Variants in CDH26 observed in about 807,000 individuals in gnomAD.
The protein encoded by CDH26 is cadherin 26, also known as cadherin-like protein 26.
CDH26 carries 83 observed loss-of-function variants against 90.3 expected under a neutral mutation model. The observed-to-expected ratio is 0.92, with a 90% confidence interval of 0.77 to 1.10. The LOEUF is 1.10. CDH26 is among the 50% of genes least tolerant of loss of function. The pLI is 0.00. For missense variants in CDH26, 1,013 were observed against 1,037.6 expected (o/e 0.98, Z 0.33); for synonymous variants, 397 against 396.3 (o/e 1.00, Z -0.02).
chr20:60,004,688 C>G (rs983905385), intron 16 of CDH26, among the ~76,000 whole-genome samples: 2 of 150,324 alleles, frequency 1.3e-5, no homozygotes, highest in African/African-American at 4.9e-5. Context: ...ATGGCATGAA[C>G]CTGGGAGGCG....
Position 60,012,691 on chromosome 20 carries a change from G to C in CDH26, c.2460G>C (p.Pro820=). Residue 820 remains proline, a synonymous_variant, in exon 18 of 18, where the codon CCG becomes CCC. Transcript: ENST00000348616. The part of the protein sequence containing the change: ...LLDSLGSKAT[P]FEEIYSESGV... ...ACTCTTTGGGTTCAAAAGCGACTCC[G>C]TTTGAGGAAATATATTCAGAGTCAG... 6.2e-7 allele frequency: 1 copy of C among 1,613,814 alleles called. No homozygotes were observed. The highest frequency in any genetic ancestry group is 8.5e-7 in the Non-Finnish European group (1 of 1,179,950).
At chr20:59,985,262 T>C in intron 7 of CDH26, 133 bp downstream of exon 7, 1 of 1,097,096 alleles carries the variant, frequency 9.1e-7, no homozygotes, top group Admixed American at 2.7e-5. Context: ...ACTGGGTAAT[T>C]TATAAAGAAA....
intron 3 of CDH26, among the ~76,000 whole-genome samples, chr20:59,970,517 AG>A (rs2061245616): frequency 6.6e-6 from 1 of 151,552 alleles, no homozygotes; most frequent in Non-Finnish European, 1.5e-5. Flanking sequence ...ATTTAAAAAC[AG>A]GGAGATTGTC....
At chr20:59,989,859 A>G (rs2061507045) in intron 9 of CDH26, among the ~76,000 whole-genome samples, 1 of 152,008 alleles carries the variant, frequency 6.6e-6, no homozygotes, top group Non-Finnish European at 1.5e-5. Context: ...TTTTTTTTGT[A>G]AATTGTGGTA....
downstream of CDH26, among the ~76,000 whole-genome samples, chr20:60,019,004 T>A (rs2146029408): frequency 6.6e-6 from 1 of 152,174 alleles, no homozygotes; most frequent in Admixed American, 6.5e-5. Context: ...GTCTGGCAAG[T>A]TTTGTTTTGT....
chr20:59,971,624 T>C (rs904314582), intron 3 of CDH26, among the ~76,000 whole-genome samples: 2 of 152,246 alleles, frequency 1.3e-5, no homozygotes, highest in African/African-American at 4.8e-5. Context: ...TCTTGTTTAG[T>C]GATGTGTCCT....
chr20:59,996,535 C>A (rs377297344), intron 12 of CDH26, 96 bp from the exon 13 acceptor site: 8 of 1,614,094 alleles, frequency 5.0e-6, no homozygotes, highest in Non-Finnish European at 6.8e-6. Flanking sequence ...CTTGCCAGTT[C>A]ATGACTGAGT....
At chr20:60,028,080 T>G (rs1292779997) in intron 7 of CDH26, among the ~76,000 whole-genome samples, 1 of 152,170 alleles carries the variant, frequency 6.6e-6, no homozygotes, top group African/African-American at 2.4e-5. Context: ...TGCATTAAGT[T>G]CTGCACTGTT....
chr20:60,023,712 C>T (rs1278478420), intron 7 of CDH26, among the ~76,000 whole-genome samples: 1 of 152,152 alleles, frequency 6.6e-6, no homozygotes, highest in Non-Finnish European at 1.5e-5. Context: ...CTGCAGTCTG[C>T]AATTTAAGTT....
At chr20:59,997,518 G>C (rs572612850) in intron 13 of CDH26, among the ~76,000 whole-genome samples, 1 of 152,378 alleles carries the variant, frequency 6.6e-6, no homozygotes, top group South Asian at 2.1e-4. Context: ...AATGGCCACT[G>C]GTTTTTCAAA....
intron 1 of CDH26, 97 bp from the exon 2 acceptor site, chr20:59,968,870 C>T: frequency 1.7e-6 from 1 of 572,148 alleles, no homozygotes; most frequent in African/African-American, 1.9e-5. Context: ...GTTCTGTTTT[C>T]ATCATTTCTA....
chr20:60,018,659 G>A (rs576727016), downstream of CDH26, among the ~76,000 whole-genome samples: 1 of 75,182 alleles, frequency 1.3e-5, no homozygotes, highest in East Asian at 4.8e-4. Context: ...TTGCCATGTT[G>A]TTATTTTGTA....
chr20:60,000,911 G>A (rs1261485170), intron 14 of CDH26, among the ~76,000 whole-genome samples: 1 of 152,204 alleles, frequency 6.6e-6, no homozygotes, highest in Non-Finnish European at 1.5e-5. Context: ...TCCATTGCCT[G>A]CTTTATTTTC....
chr20:59,987,249 C>A (rs6015615), intron 7 of CDH26, among the ~76,000 whole-genome samples: 2 of 152,130 alleles, frequency 1.3e-5, no homozygotes, highest in African/African-American at 2.4e-5. Flanking sequence ...ACGGATGCAC[C>A]TTCTGCTGTA....
chr20:59,988,216 G>A (rs1242570041), intron 8 of CDH26, among the ~76,000 whole-genome samples: 1 of 152,194 alleles, frequency 6.6e-6, no homozygotes, highest in Non-Finnish European at 1.5e-5. Context: ...CACAGCTTGA[G>A]GGGTGGAGTG....
intron 1 of CDH26, among the ~76,000 whole-genome samples, chr20:59,965,719 T>C (rs1569022542): frequency 6.6e-6 from 1 of 152,334 alleles, no homozygotes; most frequent in East Asian, 1.9e-4. Flanking sequence ...ATTGTGGATA[T>C]TTTTCTTTGA....
chr20:59,969,601 A>G (rs749676773), intron 2 of CDH26, among the ~76,000 whole-genome samples: 4 of 152,226 alleles, frequency 2.6e-5, no homozygotes, highest in Admixed American at 1.3e-4. Context: ...TGAGCCCAAG[A>G]TCTGAGTCTA....
intron 7 of CDH26, among the ~76,000 whole-genome samples, chr20:60,028,593 T>G (rs886748829): frequency 2.0e-5 from 3 of 152,144 alleles, no homozygotes; most frequent in Admixed American, 6.5e-5. Context: ...CAGGAGACAT[T>G]CAGAGGGACA....
chr20:59,963,521 T>A (rs1227582701), intron 1 of CDH26, among the ~76,000 whole-genome samples: 1 of 152,152 alleles, frequency 6.6e-6, no homozygotes, highest in Non-Finnish European at 1.5e-5. Context: ...AACCAATACT[T>A]TATACTATCT....
Sources: allele counts gnomAD v4.1 joint callset (sites outside exome capture counted in the v4.1 genomes callset), GRCh38; gene constraint gnomAD v4.1.1; transcripts MANE v1.5; gene names NCBI Gene and HGNC (gene_info 2026-07-23, HGNC 2026-07-21).